PDS5B: variants seen among roughly 807,000 people sequenced by gnomAD.
PDS5B encodes the protein sister chromatid cohesion protein PDS5 homolog B.
PDS5B carries 51 observed loss-of-function variants against 184.1 expected under a neutral mutation model. The observed-to-expected ratio is 0.28, with a 90% CI of 0.22 to 0.35. PDS5B has a LOEUF of 0.35. Among genes scored for constraint, PDS5B ranks in the 10% least tolerant of loss-of-function variants. The probability of loss-of-function intolerance (pLI) is 1.00; values close to 1 mark genes in which losing one functional copy is unlikely to be tolerated. For missense variants in PDS5B, 1,180 were observed against 1,723.3 expected (o/e 0.68, Z 5.58); for synonymous variants, 566 against 569.2 (o/e 0.99, Z 0.08).
chr13:32,606,758 C>A (rs369927193), intron 1 of PDS5B, among the ~76,000 whole-genome samples: 1 of 152,122 alleles, frequency 6.6e-6, no homozygotes, highest in Admixed American at 6.5e-5. Context: ...TGGCTTTGTT[C>A]GTTTCTTTTT....
intron 15 of PDS5B, among the ~76,000 whole-genome samples, chr13:32,698,109 T>A (rs1433210211): frequency 1.3e-5 from 2 of 152,134 alleles, no homozygotes; most frequent in African/African-American, 4.8e-5. Context: ...AGATTCTGTT[T>A]TCAAGGAATG....
intron 19 of PDS5B, among the ~76,000 whole-genome samples, chr13:32,723,566 TCA>T (rs1332706711): frequency 6.6e-6 from 1 of 152,198 alleles, no homozygotes; most frequent in African/African-American, 2.4e-5. Flanking sequence ...GTTCATTGTT[TCA>T]GTTTGTTTTC....
intron 6 of PDS5B, among the ~76,000 whole-genome samples, chr13:32,664,727 G>A (rs1950739422): frequency 6.6e-6 from 1 of 152,108 alleles, no homozygotes; most frequent in Non-Finnish European, 1.5e-5. Context: ...AGTGACGCAT[G>A]TCTGTAGTCC....
chr13:32,586,681 G>C (rs2057680785), intron 1 of PDS5B, 88 bp downstream of exon 1: 1 of 150,644 alleles, frequency 6.6e-6, no homozygotes, highest in Non-Finnish European at 1.5e-5. Context: ...CTGCCGCTGT[G>C]TGCGTGTGTG....
At chr13:32,716,324 G>A (rs965172410) in intron 19 of PDS5B, among the ~76,000 whole-genome samples, 9 of 151,848 alleles carry the variant, frequency 5.9e-5, no homozygotes, top group Admixed American at 4.6e-4. Context: ...CCCCATCTGG[G>A]ATGTGAGGAG....
At chr13:32,672,955 A>G (rs1950975753) in intron 7 of PDS5B, among the ~76,000 whole-genome samples, 3 of 152,198 alleles carry the variant, frequency 2.0e-5, no homozygotes, top group Non-Finnish European at 2.9e-5. Flanking sequence ...TATAATCAGT[A>G]TTATAATGGG....
intron 1 of PDS5B, among the ~76,000 whole-genome samples, chr13:32,588,801 T>G (rs117617666): frequency 0.011 from 1,607 of 152,352 alleles, 28 homozygotes; most frequent in South Asian, 0.012. Flanking sequence ...TTCTGCAGCT[T>G]TGTTTAACGA....
rs771290286 is a variant in PDS5B at position 32,648,894 on chromosome 13, T to A, written c.108+14T>A. 2 of 1,109,826 alleles carry A rather than the reference T, an allele frequency of 1.8e-6. No homozygotes were observed. The allele number at this position is 1,109,826 out of a possible 1,614,324, so 68.7% of individuals were successfully genotyped here. Reference sequence around the variant, plus strand: ...AGACGATTAAAGGTGAGTAAAATTCTATTCTTTTTTACATCTGTGTAGGGC... The same window carrying A: ...AGACGATTAAAGGTGAGTAAAATTCAATTCTTTTTTACATCTGTGTAGGGC... On this transcript the variant is annotated intron_variant, in intron 2 of 34. Coordinates refer to ENST00000315596, the MANE Select transcript of PDS5B (RefSeq NM_015032.4).
At chr13:32,739,116 G>T (rs781292488) in intron 21 of PDS5B, among the ~76,000 whole-genome samples, 14 of 151,350 alleles carry the variant, frequency 9.3e-5, no homozygotes, top group Non-Finnish European at 1.9e-4. Context: ...AAACTTTGAA[G>T]GTTTTCTTTT....
chr13:32,725,345 G>T (rs769027170), intron 19 of PDS5B, among the ~76,000 whole-genome samples: 1 of 152,042 alleles, frequency 6.6e-6, no homozygotes, highest in Admixed American at 6.6e-5. Flanking sequence ...AGATTATCCC[G>T]TGTATAATCT....
intron 7 of PDS5B, among the ~76,000 whole-genome samples, chr13:32,669,457 T>C (rs1395102381): frequency 3.3e-5 from 5 of 152,124 alleles, no homozygotes; most frequent in Non-Finnish European, 5.9e-5. Context: ...ATGATACTTG[T>C]TAGAGTTAGA....
In PDS5B at chr13:32,718,376, T is replaced by C. The variant is rs548395439; in HGVS notation, c.2123+8270T>C. Among the ~76,000 whole-genome samples, 147 of 152,286 alleles carry C rather than the reference T, an allele frequency of 9.7e-4. 1 individual carries two copies. The highest frequency in any genetic ancestry group is 3.3e-3 in the African/African-American group (137 of 41,538). ...TGTGTTAGCCAGGATGCTCTCGATC[T>C]CCTGACCTTGTGATCCGCCTGCCTC... On this transcript the variant is annotated intron_variant, in intron 19 of 34. Transcript: ENST00000315596.
At chr13:32,740,225 C>A (rs1761652839) in intron 21 of PDS5B, among the ~76,000 whole-genome samples, 1 of 152,138 alleles carries the variant, frequency 6.6e-6, no homozygotes, top group African/African-American at 2.4e-5. Context: ...GCTGAGAAAT[C>A]TGAAGTTAAT....
At chr13:32,699,997 C>G in intron 16 of PDS5B, 128 bp downstream of exon 16, 1 of 817,824 alleles carries the variant, frequency 1.2e-6, no homozygotes, top group Non-Finnish European at 1.8e-6. Flanking sequence ...TGCAGATAAA[C>G]TATAATTTCT....
chr13:32,658,629 G>A (rs1013779103), intron 5 of PDS5B, 98 bp downstream of exon 5: 1 of 602,722 alleles, frequency 1.7e-6, no homozygotes, highest in South Asian at 2.3e-5. Context: ...ATATTAGAAG[G>A]CTGAGAGATG....
chr13:32,665,588 C>CAAAAAAA (rs34604938), intron 6 of PDS5B, among the ~76,000 whole-genome samples: 366 of 25,782 alleles, frequency 0.014, no homozygotes, highest in Non-Finnish European at 0.018. Flanking sequence ...GACTCCGACT[C>CAAAAAAA]AAAAAAAAAA....
intron 19 of PDS5B, among the ~76,000 whole-genome samples, chr13:32,712,756 G>A (rs1040818994): frequency 2.0e-5 from 3 of 152,180 alleles, no homozygotes; most frequent in Admixed American, 6.5e-5. Flanking sequence ...GATTTTAGCT[G>A]TACTAGGACT....
intron 24 of PDS5B, among the ~76,000 whole-genome samples, chr13:32,747,887 T>A (rs1284435958): frequency 6.6e-6 from 1 of 152,180 alleles, no homozygotes; most frequent in Non-Finnish European, 1.5e-5. Flanking sequence ...AAACAGTATA[T>A]AAGAAGTATG....
At chr13:32,770,631 C>T in intron 32 of PDS5B, 23 bp from the exon 33 acceptor site, 5 of 1,601,536 alleles carry the variant, frequency 3.1e-6, no homozygotes, top group Non-Finnish European at 4.3e-6. Context: ...ATGCTATCCA[C>T]ATTTGGGTCT....
Sources: gnomAD v4.1 joint callset for allele counts (sites outside exome capture counted in the v4.1 genomes callset) on GRCh38, gnomAD v4.1.1 for gene constraint, MANE v1.5 for transcripts, NCBI Gene and HGNC (gene_info 2026-07-23, HGNC 2026-07-21) for gene names.